MALRD1: variants seen among roughly 807,000 people sequenced by gnomAD.
MALRD1 encodes MAM and LDL-receptor class A domain-containing protein 1.
A neutral mutation model predicts 242.1 loss-of-function variants in MALRD1; 247 were observed. The ratio of observed to expected loss-of-function variants is 1.02; its 90% CI spans 0.92 to 1.13. The LOEUF is 1.13. MALRD1 is among the 50% of genes most tolerant of loss of function. The pLI, the probability that MALRD1 is intolerant of heterozygous loss-of-function variation, is 0.00. For synonymous variants in MALRD1, 995 were observed against 866.6 expected, an observed-to-expected ratio of 1.15 and a Z score of -2.60; for missense variants, 2,989 against 2,533.1, an observed-to-expected ratio of 1.18 and a Z score of -3.86.
At chr10:19,732,360 T>A (rs1835331808) in intron 39 of MALRD1, among the ~76,000 whole-genome samples, 1 of 152,144 alleles carries the variant, frequency 6.6e-6, no homozygotes. Context: ...CCTCCTGGGT[T>A]CAAGTGATTC....
intron 12 of MALRD1, among the ~76,000 whole-genome samples, chr10:19,158,980 G>T (rs905359127): frequency 6.6e-6 from 1 of 152,206 alleles, no homozygotes; most frequent in Non-Finnish European, 1.5e-5. Context: ...TTAATCCAAA[G>T]ATCAATGTTA....
intron 33 of MALRD1, among the ~76,000 whole-genome samples, chr10:19,568,470 C>A (rs1488426998): frequency 2.6e-5 from 4 of 151,994 alleles, no homozygotes; most frequent in African/African-American, 9.7e-5. Context: ...AAATCCTGGG[C>A]AATTTCAACT....
At chr10:19,056,913 G>A (rs181701457) in intron 1 of MALRD1, among the ~76,000 whole-genome samples, 13 of 152,162 alleles carry the variant, frequency 8.5e-5, no homozygotes, top group Admixed American at 4.6e-4. Context: ...TGCTTTCTCC[G>A]AATCTATTGA....
chr10:19,558,210 C>T (rs889331063), intron 32 of MALRD1, among the ~76,000 whole-genome samples: 7 of 151,962 alleles, frequency 4.6e-5, no homozygotes, highest in Non-Finnish European at 8.8e-5. Context: ...TTATTTCTTT[C>T]TCAATTAGTA....
chr10:19,260,629 C>T (rs16918433), intron 19 of MALRD1, among the ~76,000 whole-genome samples: 2,592 of 151,998 alleles, frequency 0.017, 77 homozygotes, highest in African/African-American at 0.059. Flanking sequence ...ATATTATAAC[C>T]GGCCATTCTT....
chr10:19,241,210 G>T (rs1369456917), intron 18 of MALRD1, among the ~76,000 whole-genome samples: 1 of 151,912 alleles, frequency 6.6e-6, no homozygotes, highest in Non-Finnish European at 1.5e-5. Context: ...TGTTGTTGTT[G>T]TTGTTTTGAT....
In MALRD1 at chr10:19,257,767, C is replaced by T; in HGVS notation, c.3075C>T (p.Tyr1025=). Reference sequence around the variant, plus strand: ...TGTCATTTATGGACTGCACCCTCTACCCTGGTAAGAGAGAACATTTCAATT... The same window carrying T: ...TGTCATTTATGGACTGCACCCTCTATCCTGGTAAGAGAGAACATTTCAATT... ...DDLSFMDCTL[Y]PGNLPADLPT... The change falls in exon 19 of 40, where the codon TAC becomes TAT. Residue 1025 remains tyrosine, a synonymous_variant. Transcript: ENST00000454679. The T allele has an allele frequency of 2.0e-6, 3 of 1,522,778 alleles. No homozygotes were observed. Among genetic ancestry groups the T allele is most frequent in the East Asian group, 2.5e-5 (1 of 40,170 alleles). The allele number at this position is 1,522,778 out of a possible 1,614,324, so 94.3% of individuals were successfully genotyped here. A position where few individuals can be genotyped will look rare whatever the true frequency, so the allele number is the denominator to read the frequency against.
chr10:19,623,173 G>A (rs562939743), intron 36 of MALRD1, among the ~76,000 whole-genome samples: 1 of 151,772 alleles, frequency 6.6e-6, no homozygotes, highest in African/African-American at 2.4e-5. Flanking sequence ...TTTTAACAAC[G>A]TTTTTTAATG....
chr10:19,337,897 C>T (rs1843679787), intron 24 of MALRD1, among the ~76,000 whole-genome samples: 1 of 151,798 alleles, frequency 6.6e-6, no homozygotes. Flanking sequence ...CCCATCTCCA[C>T]TAAAAATACA....
intron 31 of MALRD1, among the ~76,000 whole-genome samples, chr10:19,528,280 A>G (rs1363781022): frequency 1.3e-5 from 2 of 152,180 alleles, no homozygotes. Context: ...TTCTCAGACA[A>G]AGTTCCCTGC....
chr10:19,098,132 C>G (rs1193424317), intron 4 of MALRD1, among the ~76,000 whole-genome samples: 1 of 152,108 alleles, frequency 6.6e-6, no homozygotes, highest in Non-Finnish European at 1.5e-5. Flanking sequence ...CACTTTCACT[C>G]CTTTTTGTTG....
chr10:19,331,636 C>T (rs1171658053), intron 24 of MALRD1, 54 bp downstream of exon 24: 11 of 1,350,184 alleles, frequency 8.1e-6, no homozygotes, highest in South Asian at 1.3e-5. Flanking sequence ...CACAGCCTTA[C>T]TCAATATCTG....
At chr10:19,258,418 T>C (rs1395733376) in intron 19 of MALRD1, among the ~76,000 whole-genome samples, 2 of 152,112 alleles carry the variant, frequency 1.3e-5, no homozygotes, top group African/African-American at 4.8e-5. Flanking sequence ...TGCATAGTGA[T>C]CTAAGAAGAC....
At chr10:19,476,453 G>A (rs550180654) in intron 29 of MALRD1, among the ~76,000 whole-genome samples, 2 of 152,032 alleles carry the variant, frequency 1.3e-5, no homozygotes, top group South Asian at 2.1e-4. Flanking sequence ...AAGAAGACAT[G>A]CCCACTGAGA....
chr10:19,284,372 G>T (rs1349056873), intron 21 of MALRD1, among the ~76,000 whole-genome samples: 1 of 149,104 alleles, frequency 6.7e-6, no homozygotes, highest in African/African-American at 2.5e-5. Flanking sequence ...TCTAGCATTA[G>T]GTATATCTCC....
chr10:19,137,526 A>T lies in MALRD1; in HGVS notation c.1411+745A>T, dbSNP rs528550284. On this transcript the variant is annotated intron_variant, in intron 10 of 39. Transcript: ENST00000454679. ...GAGGCTGAGGTAGGAGAACTGCCTGAACATGGGAGGTGGAGGTTGCCGTGA... is the reference window on the plus strand; with the variant it reads ...GAGGCTGAGGTAGGAGAACTGCCTGTACATGGGAGGTGGAGGTTGCCGTGA... Among the ~76,000 whole-genome samples the T allele has an allele frequency of 2.0e-5, 3 of 151,040 alleles. No individual in the cohort carries two copies. The South Asian group carries it at 6.3e-4, about 32-fold the overall frequency.
chr10:19,402,808 C>T (rs898756579), intron 28 of MALRD1, among the ~76,000 whole-genome samples: 1 of 152,046 alleles, frequency 6.6e-6, no homozygotes, highest in African/African-American at 2.4e-5. Flanking sequence ...GCTTGTCTCC[C>T]TCCATCCTTC....
intron 4 of MALRD1, among the ~76,000 whole-genome samples, chr10:19,094,932 C>T (rs960470454): frequency 2.0e-5 from 3 of 152,118 alleles, no homozygotes; most frequent in African/African-American, 7.2e-5. Flanking sequence ...CCTATTTTAA[C>T]ATTTGGGACA....
intron 26 of MALRD1, among the ~76,000 whole-genome samples, chr10:19,377,703 A>G (rs1261877962): frequency 2.0e-5 from 3 of 152,142 alleles, no homozygotes; most frequent in Admixed American, 6.6e-5. Flanking sequence ...ATTTGTTACA[A>G]TGAACATACA....
Sources: allele counts gnomAD v4.1 joint callset (sites outside exome capture counted in the v4.1 genomes callset), GRCh38; gene constraint gnomAD v4.1.1; transcripts MANE v1.5; gene names NCBI Gene and HGNC (gene_info 2026-07-23, HGNC 2026-07-21).